The following NAV1 variants were observed in gnomAD, a reference collection of about 807,000 sequenced individuals.
NAV1 encodes the protein neuron navigator 1.
A neutral mutation model predicts 175.2 loss-of-function variants in NAV1; 18 were observed. That is an observed-to-expected ratio of 0.10 (90% CI 0.07 to 0.15). The LOEUF is 0.15. Ranked by LOEUF, NAV1 falls within the 10% of genes least tolerant of loss-of-function variation. NAV1 has a pLI of 1.00. For missense variants in NAV1, 1,731 were observed against 2,436.6 expected (o/e 0.71, Z 6.10); for synonymous variants, 897 against 978.7 (o/e 0.92, Z 1.56).
intron 1 of NAV1, among the ~76,000 whole-genome samples, chr1:201,549,087 C>G (rs933487911): frequency 9.4e-6 from 1 of 106,226 alleles, no homozygotes; most frequent in Admixed American, 9.5e-5. Flanking sequence ...CTCTTTCTTT[C>G]TTTCTTTCTT....
chr1:201,648,516 T>C, exon 1 of NAV1: 1 of 1,231,434 alleles, frequency 8.1e-7, no homozygotes, highest in Non-Finnish European at 1.0e-6. Flanking sequence ...CCTCCCTCGC[T>C]CTCTCCCCCT....
Position 201,562,012 on chromosome 1 carries a change from C to T in NAV1, c.-144+22670C>T, listed in dbSNP as rs139232004. Among the ~76,000 whole-genome samples the T allele has an allele frequency of 4.6e-3, 706 of 152,122 alleles. 9 individuals are homozygous for T. Among genetic ancestry groups the T allele is most frequent in the African/African-American group, 0.016 (680 of 41,508 alleles). On this transcript the variant is annotated intron_variant, in intron 1 of 33. Transcript: ENST00000685211. ...TATTTATTTATTCCTATTTATTTTTCGGTTTTTTTAGAGACAAGGTCTTGC... is the reference window on the plus strand; with the variant it reads ...TATTTATTTATTCCTATTTATTTTTTGGTTTTTTTAGAGACAAGGTCTTGC...
chr1:201,568,978 C>T (rs1666450066), intron 1 of NAV1, among the ~76,000 whole-genome samples: 1 of 152,136 alleles, frequency 6.6e-6, no homozygotes, highest in South Asian at 2.1e-4. Context: ...GAGCCTGAAC[C>T]TCTGTGCAAG....
intron 1 of NAV1, among the ~76,000 whole-genome samples, chr1:201,652,159 G>T (rs937795694): frequency 2.7e-5 from 4 of 150,810 alleles, no homozygotes; most frequent in African/African-American, 9.8e-5. Context: ...CTGGGCATTT[G>T]TCCCCACCTC....
At chr1:201,644,595 G>A (rs567385115), upstream of NAV1, among the ~76,000 whole-genome samples, 6 of 152,242 alleles carry the variant, frequency 3.9e-5, no homozygotes, top group Non-Finnish European at 8.8e-5. Context: ...GGCACTCAAG[G>A]GGATTGGCAC....
At chr1:201,801,892 T>C (rs1176618634) in intron 15 of NAV1, among the ~76,000 whole-genome samples, 1 of 151,878 alleles carries the variant, frequency 6.6e-6, no homozygotes, top group Non-Finnish European at 1.5e-5. Flanking sequence ...TCCCAGCACT[T>C]TGGGAGGCCG....
At chr1:201,683,777 T>C (rs947096618) in intron 1 of NAV1, among the ~76,000 whole-genome samples, 1 of 152,302 alleles carries the variant, frequency 6.6e-6, no homozygotes, top group African/African-American at 2.4e-5. Flanking sequence ...GGAGTGTTAC[T>C]GTCCTCTGTC....
intron 3 of NAV1, among the ~76,000 whole-genome samples, chr1:201,770,385 A>G (rs1442258476): frequency 6.6e-6 from 1 of 152,176 alleles, no homozygotes; most frequent in Non-Finnish European, 1.5e-5. Context: ...AGGAGGAATC[A>G]GTTGCCATTC....
At chr1:201,626,509 C>G (rs1668334467) in intron 1 of NAV1, among the ~76,000 whole-genome samples, 1 of 152,240 alleles carries the variant, frequency 6.6e-6, no homozygotes, top group Non-Finnish European at 1.5e-5. Flanking sequence ...TCTCATCCAT[C>G]ACTTCCCTTT....
chr1:201,554,322 T>C (rs1290329729), intron 1 of NAV1, among the ~76,000 whole-genome samples: 1 of 152,110 alleles, frequency 6.6e-6, no homozygotes, highest in Non-Finnish European at 1.5e-5. Context: ...GATGAAGCTG[T>C]TTTACCAGCA....
At chr1:201,578,894 A>G (rs1412306871) in intron 1 of NAV1, among the ~76,000 whole-genome samples, 1 of 152,128 alleles carries the variant, frequency 6.6e-6, no homozygotes, top group East Asian at 1.9e-4. Context: ...GCACTTTGGG[A>G]GGCCGAGGTG....
At chr1:201,699,513 G>T (rs1671324390) in intron 1 of NAV1, among the ~76,000 whole-genome samples, 1 of 152,292 alleles carries the variant, frequency 6.6e-6, no homozygotes, top group East Asian at 1.9e-4. Flanking sequence ...TGGCCATACT[G>T]CCCAAGGTAA....
chr1:201,554,858 G>A (rs902245866), intron 1 of NAV1, among the ~76,000 whole-genome samples: 3 of 152,158 alleles, frequency 2.0e-5, no homozygotes, highest in Admixed American at 1.3e-4. Context: ...GTCTGAAATC[G>A]AGGTGTTGGC....
At position 201,809,165 on chromosome 1, in the gene NAV1, C is replaced by T. The variant is rs148708864; in HGVS notation, c.4209C>T (p.Asp1403=). The change falls in exon 21 of 30, where the codon GAC becomes GAT. Residue 1403 remains aspartate, a splice_region_variant and synonymous_variant. Transcript: ENST00000367296. ...GTTGGTTCTTTTCAATCCCCACAGA[C>T]CTGTCACCCATGGATGGCATCAGTA... 46 of 1,613,922 alleles carry T rather than the reference C, an allele frequency of 2.9e-5. No homozygotes were observed. In the African/African-American group the frequency reaches 5.1e-4, roughly 18 times the overall value.
rs1674051273 is a variant in NAV1 at position 201,750,720 on chromosome 1, C to T, written c.1227-29701C>T. On this transcript the variant is annotated intron_variant, in intron 3 of 29. Coordinates refer to ENST00000367296, the Ensembl canonical transcript of NAV1. This position sits in a 1 kb window ranked among gnomAD's most constrained non-coding sequence, Gnocchi z 4.1. The stretch of plus-strand genomic sequence containing the variant: ...CTCACACCTACCACTTGGTTGATGC[C>T]CAGAGGGGCTGTCACCTCCCAATCT... Among the ~76,000 whole-genome samples, 1 of 151,788 alleles carries T rather than the reference C, an allele frequency of 6.6e-6. No individual in the cohort carries two copies. The highest frequency in any genetic ancestry group is 1.5e-5 in the Non-Finnish European group (1 of 67,972).
At chr1:201,818,100 C>A (rs1285022490) in intron 29 of NAV1, among the ~76,000 whole-genome samples, 1 of 152,062 alleles carries the variant, frequency 6.6e-6, no homozygotes, top group Non-Finnish European at 1.5e-5. Flanking sequence ...TGTGATGGCA[C>A]ATGCCTACAG....
chr1:201,818,446 TG>T (rs779438819), intron 29 of NAV1, among the ~76,000 whole-genome samples: 1 of 151,186 alleles, frequency 6.6e-6, no homozygotes, highest in Non-Finnish European at 1.5e-5. Context: ...GAGAATCACT[TG>T]GACCCGGGAG....
At chr1:201,821,551 C>CACACACAA (rs1491448398) in exon 30 of NAV1, 2 of 139,002 alleles carry the variant, frequency 1.4e-5, no homozygotes, top group South Asian at 4.7e-4. Context: ...CACACACACA[C>CACACACAA]AAGACCTGGG....
chr1:201,795,531 G>A (rs1297620928), intron 15 of NAV1: 1 of 151,850 alleles, frequency 6.6e-6, no homozygotes, highest in Non-Finnish European at 1.5e-5. Flanking sequence ...AAAGGCTCTT[G>A]TATGTTAAAG....
Sources: gnomAD v4.1 joint callset for allele counts (sites outside exome capture counted in the v4.1 genomes callset) on GRCh38, gnomAD v4.1.1 for gene constraint, Gnocchi (gnomAD v3.1) non-coding constraint, MANE v1.5 for transcripts, NCBI Gene and HGNC (gene_info 2026-07-23, HGNC 2026-07-21) for gene names.